The following TSNARE1 variants were observed in gnomAD, a reference collection of about 807,000 sequenced individuals.
TSNARE1 encodes t-SNARE domain containing 1, also known as t-SNARE domain-containing protein 1.
A neutral mutation model predicts 62.0 loss-of-function variants in TSNARE1; 49 were observed. The ratio of observed to expected loss-of-function variants is 0.79; its 90% CI spans 0.63 to 1.00. The LOEUF (loss-of-function observed/expected upper bound fraction) is 1.00. TSNARE1 is among the 50% of genes least tolerant of loss of function. The pLI, the probability that TSNARE1 is intolerant of heterozygous loss-of-function variation, is 0.00. For synonymous variants in TSNARE1, 328 were observed against 294.4 expected (o/e 1.11, Z -1.17); for missense variants, 755 against 700.1 (o/e 1.08, Z -0.88).
At position 142,274,810 on chromosome 8, in the gene TSNARE1, G is replaced by T; in HGVS notation, c.1417C>A (p.Gln473Lys). 6.3e-7 allele frequency: 1 copy of T among 1,580,842 alleles called. No individual in the cohort carries two copies. Among genetic ancestry groups the T allele is most frequent in the Non-Finnish European group, 8.6e-7 (1 of 1,164,430 alleles). ...TGCCGGCTGGCTCCAGCCAGGAGCT[G>T]GCGGGCTGCCTCCGCATGCGAGGAC... ...AASSHAEAAR[Q>K]LLAGASRHQL... The change falls in exon 12 of 14, where the codon CAG becomes AAG. Residue 473 changes from glutamine to lysine, a missense_variant. Coordinates refer to ENST00000524325, the MANE Select transcript of TSNARE1 (RefSeq NM_145003.5).
intron 12 of TSNARE1, among the ~76,000 whole-genome samples, chr8:142,239,812 G>C (rs1295487816): frequency 6.6e-6 from 1 of 152,242 alleles, no homozygotes; most frequent in Non-Finnish European, 1.5e-5. Context: ...CTGGGGATTG[G>C]AGCATCCTGA....
chr8:142,392,365 AT>A (rs1185726937), intron 1 of TSNARE1, among the ~76,000 whole-genome samples: 1 of 152,210 alleles, frequency 6.6e-6, no homozygotes, highest in Non-Finnish European at 1.5e-5. Flanking sequence ...TAAAATAACG[AT>A]AAAAAGTATA....
At chr8:142,256,704 G>A (rs1818603030) in intron 12 of TSNARE1, among the ~76,000 whole-genome samples, 1 of 152,066 alleles carries the variant, frequency 6.6e-6, no homozygotes, top group Admixed American at 6.5e-5. Context: ...ATATTTTACA[G>A]GAGAGCGCAA....
chr8:142,369,955 T>A lies in TSNARE1; in HGVS notation c.-39-15192A>T, dbSNP rs1242722018. On this transcript the variant is annotated intron_variant, in intron 1 of 13. Coordinates refer to ENST00000524325, the MANE Select transcript of TSNARE1 (RefSeq NM_145003.5). ...CTGAATGTGTTTTCCAAGGTTGGAATCTAACCCCCAACATGATGGTGTTAG... is the reference window on the plus strand; with the variant it reads ...CTGAATGTGTTTTCCAAGGTTGGAAACTAACCCCCAACATGATGGTGTTAG... Among the ~76,000 whole-genome samples the A allele has an allele frequency of 2.6e-5, 4 of 152,330 alleles. No homozygotes were observed. In the East Asian group the frequency reaches 7.7e-4, roughly 29 times the overall value.
chr8:142,356,860 C>T lies in TSNARE1; in HGVS notation c.-39-2097G>A, dbSNP rs542967118. 2.6e-5 allele frequency among the ~76,000 whole-genome samples: 4 copies of T among 152,214 alleles called. No individual in the cohort carries two copies. In the South Asian group the frequency reaches 8.3e-4, roughly 32 times the overall value. ...GGCTCGGGCAGTCTGGTTCCAACAC[C>T]TGAGTTCTCTGTACTGCCCTCAAAG... On this transcript the variant is annotated intron_variant, in intron 1 of 13. Transcript: ENST00000524325.
intron 13 of TSNARE1, among the ~76,000 whole-genome samples, chr8:142,222,736 T>C (rs143715952): frequency 2.1e-5 from 1 of 47,744 alleles, no homozygotes; most frequent in African/African-American, 7.9e-5. Context: ...ACTCATCCAC[T>C]CACTCACTCA....
intron 9 of TSNARE1, among the ~76,000 whole-genome samples, 157 bp downstream of exon 9, chr8:142,314,227 G>A (rs1447069921): frequency 6.6e-6 from 1 of 152,140 alleles, no homozygotes; most frequent in African/African-American, 2.4e-5. Context: ...AGGGCCCAAA[G>A]GTCAAAATGC....
At chr8:142,242,073 A>G (rs1198273977) in intron 12 of TSNARE1, among the ~76,000 whole-genome samples, 2 of 152,224 alleles carry the variant, frequency 1.3e-5, no homozygotes, top group East Asian at 3.8e-4. Flanking sequence ...TACAATCTCC[A>G]TCTCATGCCG....
intron 6 of TSNARE1, among the ~76,000 whole-genome samples, chr8:142,325,755 G>A (rs1475324515): frequency 2.0e-5 from 3 of 152,248 alleles, no homozygotes; most frequent in Non-Finnish European, 2.9e-5. Context: ...CCAAGGGAGG[G>A]GAGGAGGTCA....
chr8:142,222,552 T>TCAGC (rs1816393669), intron 13 of TSNARE1, among the ~76,000 whole-genome samples: 1 of 136,426 alleles, frequency 7.3e-6, no homozygotes, highest in Non-Finnish European at 1.6e-5. Context: ...ATTCACTCAC[T>TCAGC]CACTCACTCA....
chr8:142,400,047 A>T (rs925826239), intron 1 of TSNARE1, among the ~76,000 whole-genome samples: 2 of 152,092 alleles, frequency 1.3e-5, no homozygotes, highest in African/African-American at 4.8e-5. Context: ...CTCAAAAAAA[A>T]AAAAAGAGGT....
At chr8:142,325,277 C>G (rs1389336323) in intron 6 of TSNARE1, among the ~76,000 whole-genome samples, 2 of 152,176 alleles carry the variant, frequency 1.3e-5, no homozygotes, top group African/African-American at 4.8e-5. Flanking sequence ...CTGGGCGGAC[C>G]TGAAAGGCCA....
At chr8:142,399,952 C>T (rs556228120) in intron 1 of TSNARE1, among the ~76,000 whole-genome samples, 2 of 152,104 alleles carry the variant, frequency 1.3e-5, no homozygotes, top group East Asian at 3.9e-4. Flanking sequence ...CCCAGCACTC[C>T]GGGAGGCTGA....
rs140809967 is a variant in TSNARE1, at chr8:142,310,565, A to C, written c.1131+3819T>G. On this transcript the variant is annotated intron_variant, in intron 9 of 13. Coordinates refer to ENST00000524325, the MANE Select transcript of TSNARE1 (RefSeq NM_145003.5). The stretch of plus-strand genomic sequence containing the variant: ...TTTTTGTGCCTCTAAAACTGTTTTC[A>C]CTTCACCTTTATTTCTGAAGCATGT... Among the ~76,000 whole-genome samples, 462 of 152,190 alleles carry C rather than the reference A, an allele frequency of 3.0e-3. 3 individuals carry two copies. Among genetic ancestry groups the C allele is most frequent in the African/African-American group, 0.011 (449 of 41,508 alleles).
intron 4 of TSNARE1, among the ~76,000 whole-genome samples, chr8:142,337,326 A>G (rs1412603223): frequency 6.6e-6 from 1 of 152,248 alleles, no homozygotes; most frequent in Non-Finnish European, 1.5e-5. Context: ...TTCAACTTGC[A>G]GGTAATAATC....
intron 1 of TSNARE1, among the ~76,000 whole-genome samples, chr8:142,377,958 A>C (rs1836467083): frequency 6.6e-6 from 1 of 152,246 alleles, no homozygotes; most frequent in African/African-American, 2.4e-5. Context: ...GAGATGCCGA[A>C]GTGGATGGGC....
At chr8:142,219,524 G>A (rs992064575) in intron 13 of TSNARE1, among the ~76,000 whole-genome samples, 92 of 152,312 alleles carry the variant, frequency 6.0e-4, no homozygotes, top group African/African-American at 2.1e-3. Context: ...AGGTGGACCC[G>A]GCCAGGTGGG....
Position 142,346,027 on chromosome 8 carries a change from C to A in TSNARE1, c.89-135G>T. On this transcript the variant is annotated intron_variant, in intron 2 of 13. Coordinates refer to ENST00000524325, the MANE Select transcript of TSNARE1 (RefSeq NM_145003.5). ...AGGGCTCCTCCTCCAGGAAGCCCTC[C>A]CTGCCTGCTATATCCTCTGGATCAT... 4.0e-6 allele frequency: 4 copies of A among 1,001,060 alleles called. No individual in the cohort carries two copies. In the South Asian group the frequency reaches 4.9e-5, roughly 12 times the overall value. The allele number at this position is 1,001,060 out of a possible 1,614,324, so 62.0% of individuals were successfully genotyped here.
intron 11 of TSNARE1, chr8:142,277,145 G>A (rs1820632939): frequency 2.0e-6 from 2 of 985,212 alleles, no homozygotes; most frequent in Non-Finnish European, 2.4e-6. Context: ...TCTGTGAGGT[G>A]AGCCCTGCAG....
Sources: allele counts gnomAD v4.1 joint callset (sites outside exome capture counted in the v4.1 genomes callset), GRCh38; gene constraint gnomAD v4.1.1; transcripts MANE v1.5; gene names NCBI Gene and HGNC (gene_info 2026-07-23, HGNC 2026-07-21).